Variants in SLC25A21 observed in about 807,000 individuals in gnomAD.
The protein encoded by SLC25A21 is solute carrier family 25 member 21, also known as mitochondrial 2-oxodicarboxylate carrier.
A neutral mutation model predicts 43.8 loss-of-function variants in SLC25A21; 47 were observed. The ratio of observed to expected loss-of-function variants is 1.07; its 90% CI spans 0.85 to 1.37. The LOEUF (loss-of-function observed/expected upper bound fraction) is 1.37. SLC25A21 is among the 40% of genes most tolerant of loss of function. SLC25A21 has a pLI of 0.00. For synonymous variants in SLC25A21, 131 were observed against 121.3 expected (o/e 1.08, Z -0.52); for missense variants, 352 against 350.2 (o/e 1.00, Z -0.04).
chr14:36,917,862 T>G (rs897548742), intron 1 of SLC25A21, among the ~76,000 whole-genome samples: 1 of 152,040 alleles, frequency 6.6e-6, no homozygotes, highest in East Asian at 1.9e-4. Context: ...ATTCAGAAAA[T>G]GCAGATTTTT....
intron 1 of SLC25A21, among the ~76,000 whole-genome samples, chr14:36,937,840 GT>G (rs1198437514): frequency 3.3e-5 from 5 of 151,986 alleles, no homozygotes; most frequent in Non-Finnish European, 5.9e-5. Flanking sequence ...AAAGGAAAGA[GT>G]TTTTTTGTGT....
intron 1 of SLC25A21, among the ~76,000 whole-genome samples, chr14:37,148,362 C>T (rs2138930456): frequency 6.6e-6 from 1 of 152,154 alleles, no homozygotes; most frequent in South Asian, 2.1e-4. Flanking sequence ...TGTCAGATTT[C>T]TATTATAGAA....
intron 3 of SLC25A21, among the ~76,000 whole-genome samples, chr14:36,738,682 C>T (rs1261687137): frequency 2.0e-5 from 3 of 152,200 alleles, no homozygotes; most frequent in Non-Finnish European, 2.9e-5. Context: ...CAACACCTCC[C>T]ATAAAACTGT....
intron 8 of SLC25A21, among the ~76,000 whole-genome samples, chr14:36,684,488 C>G (rs989426888): frequency 3.9e-5 from 6 of 152,158 alleles, no homozygotes; most frequent in African/African-American, 1.4e-4. Context: ...CTACATTATA[C>G]AAACTGCCAA....
At chr14:37,050,079 T>A (rs567239058) in intron 1 of SLC25A21, among the ~76,000 whole-genome samples, 2 of 152,360 alleles carry the variant, frequency 1.3e-5, no homozygotes, top group South Asian at 4.1e-4. Context: ...ATGGACTGGC[T>A]GTCATATGAA....
intron 1 of SLC25A21, among the ~76,000 whole-genome samples, chr14:37,010,789 G>C (rs1010652753): frequency 6.6e-6 from 1 of 152,042 alleles, no homozygotes; most frequent in Non-Finnish European, 1.5e-5. Flanking sequence ...CTTTCTACCA[G>C]GCTGGAGTGC....
chr14:36,791,791 GAA>G (rs924483575), intron 3 of SLC25A21, among the ~76,000 whole-genome samples: 3 of 152,186 alleles, frequency 2.0e-5, no homozygotes, highest in Non-Finnish European at 4.4e-5. Context: ...AACCTGGTGA[GAA>G]AATGATGTGA....
At position 37,172,524 on chromosome 14, in the gene SLC25A21, C is replaced by T. The variant is rs1216846832; in HGVS notation, c.-174G>A. The T allele has an allele frequency of 1.3e-5, 10 of 755,916 alleles. No individual in the cohort carries two copies. The East Asian group carries it at 2.7e-4, about 20-fold the overall frequency. The allele number at this position is 755,916 out of a possible 1,614,324, so 46.8% of individuals were successfully genotyped here. A position where few individuals can be genotyped will look rare whatever the true frequency, so the allele number is the denominator to read the frequency against. ...GCGAGGGTTCGAGGCGCAGATTCGT[C>T]GCGCGATCTCCGGCGCGTCGGAACC... On this transcript the variant is annotated 5_prime_UTR_variant, in exon 1 of 10. Coordinates refer to ENST00000331299, the MANE Select transcript of SLC25A21 (RefSeq NM_030631.4).
At chr14:36,839,020 A>G (rs950132129) in intron 2 of SLC25A21, among the ~76,000 whole-genome samples, 12 of 152,324 alleles carry the variant, frequency 7.9e-5, no homozygotes, top group African/African-American at 2.4e-4. Context: ...TTTAATCTAC[A>G]TAATTACTAT....
intron 3 of SLC25A21, among the ~76,000 whole-genome samples, chr14:36,808,005 C>T (rs1348619617): frequency 1.3e-5 from 2 of 152,164 alleles, no homozygotes; most frequent in East Asian, 1.9e-4. Flanking sequence ...ACCAAGTGGT[C>T]TGATTGTAAG....
chr14:36,946,796 G>A (rs969409474), intron 1 of SLC25A21, among the ~76,000 whole-genome samples: 6 of 152,112 alleles, frequency 3.9e-5, no homozygotes, highest in African/African-American at 1.4e-4. Context: ...GCTTGTCATG[G>A]CCTGACCATG....
intron 1 of SLC25A21, among the ~76,000 whole-genome samples, chr14:36,961,415 C>T (rs1433277232): frequency 6.6e-6 from 1 of 151,990 alleles, no homozygotes; most frequent in East Asian, 1.9e-4. Context: ...ATTTCACCGC[C>T]GTACGTGTTT....
At chr14:36,964,578 TG>T (rs1959570355) in intron 1 of SLC25A21, among the ~76,000 whole-genome samples, 1 of 152,240 alleles carries the variant, frequency 6.6e-6, no homozygotes, top group Non-Finnish European at 1.5e-5. Flanking sequence ...AACACACTAA[TG>T]TGCGTAAAGT....
intron 1 of SLC25A21, among the ~76,000 whole-genome samples, chr14:37,034,082 T>C (rs1961275721): frequency 6.6e-6 from 1 of 151,880 alleles, no homozygotes; most frequent in African/African-American, 2.4e-5. Flanking sequence ...AGTGGCGCAA[T>C]CTCGGCCCAC....
intron 1 of SLC25A21, among the ~76,000 whole-genome samples, chr14:37,011,880 C>T (rs1359154626): frequency 1.3e-5 from 2 of 152,032 alleles, no homozygotes; most frequent in Admixed American, 6.5e-5. Context: ...GTGGAGACAT[C>T]CCTTTTTATA....
chr14:37,121,350 C>T (rs142003950), intron 1 of SLC25A21, among the ~76,000 whole-genome samples: 2 of 152,274 alleles, frequency 1.3e-5, no homozygotes, highest in African/African-American at 4.8e-5. Context: ...TTTAATACTC[C>T]TAATCTCACT....
intron 2 of SLC25A21, among the ~76,000 whole-genome samples, chr14:36,825,239 TTCTGTTTCTC>T (rs1204064717): frequency 0.014 from 2,155 of 152,006 alleles, 54 homozygotes; most frequent in African/African-American, 0.049. Context: ...GCTCTGTAGC[TTCTGTTTCTC>T]TCTCTTTCAT....
chr14:37,140,522 A>T (rs545581091), intron 1 of SLC25A21, among the ~76,000 whole-genome samples: 13 of 152,306 alleles, frequency 8.5e-5, no homozygotes, highest in Non-Finnish European at 1.9e-4. Flanking sequence ...CTGCACCCTC[A>T]CTGAGGTATT....
intron 2 of SLC25A21, among the ~76,000 whole-genome samples, chr14:36,840,249 T>C (rs1889344132): frequency 6.6e-6 from 1 of 152,232 alleles, no homozygotes; most frequent in South Asian, 2.1e-4. Context: ...CAAATAATTA[T>C]CAAAGGTGTC....
Sources: gnomAD v4.1 joint callset for allele counts (sites outside exome capture counted in the v4.1 genomes callset) on GRCh38, gnomAD v4.1.1 for gene constraint, MANE v1.5 for transcripts, NCBI Gene and HGNC (gene_info 2026-07-23, HGNC 2026-07-21) for gene names.